Variants in PRAME observed in about 807,000 individuals in gnomAD.
The protein encoded by PRAME is PRAME nuclear receptor transcriptional regulator.
A neutral mutation model predicts 32.1 loss-of-function variants in PRAME; 21 were observed. The observed-to-expected ratio is 0.65, with a 90% CI of 0.46 to 0.94. The LOEUF (loss-of-function observed/expected upper bound fraction) is 0.94, where lower values mean the gene tolerates loss of function less well. PRAME is among the 40% of genes least tolerant of loss of function. The probability of loss-of-function intolerance (pLI) is 0.00; values close to 1 mark genes in which losing one functional copy is unlikely to be tolerated. For missense variants in PRAME, 651 were observed against 622.3 expected (o/e 1.05, Z -0.49); for synonymous variants, 274 against 251.5 (o/e 1.09, Z -0.85).
At chr22:22,554,008 C>G in intron 3 of PRAME, 4 of 985,182 alleles carry the variant, frequency 4.1e-6, no homozygotes, top group Non-Finnish European at 4.8e-6. Context: ...TACAGAGATT[C>G]TGGTCAGCGA....
In PRAME at chr22:22,549,872, G is replaced by A; in HGVS notation, c.807C>T (p.His269=). ...MINLRRLLLS[H]IHASSYISPE... The stretch of plus-strand genomic sequence containing the variant: ...GGGAAATGTAGGAAGATGCATGGAT[G>A]TGGGAGAGGAGGAGTCTACGCAGAT... Residue 269 remains histidine (H), a synonymous_variant, in exon 5 of 6, where the codon CAC becomes CAT. Transcript: ENST00000405655. The A allele has an allele frequency of 6.2e-7, 1 of 1,613,902 alleles. No homozygotes were observed. Among genetic ancestry groups the A allele is most frequent in the Non-Finnish European group, 8.5e-7 (1 of 1,179,974 alleles).
At chr22:22,555,117 G>T (rs189432663) in intron 3 of PRAME, among the ~76,000 whole-genome samples, 141 of 152,104 alleles carry the variant, frequency 9.3e-4, no homozygotes, top group Admixed American at 2.6e-3. Context: ...GAATTGGGGA[G>T]ATATTTCTGC....
chr22:22,554,807 A>G (rs2062807986), intron 3 of PRAME, among the ~76,000 whole-genome samples: 1 of 151,968 alleles, frequency 6.6e-6, no homozygotes, highest in Non-Finnish European at 1.5e-5. Flanking sequence ...TAAACCATGG[A>G]AAAACAGGAA....
intron 3 of PRAME, among the ~76,000 whole-genome samples, chr22:22,552,488 AAAT>A (rs2062647306): frequency 6.6e-6 from 1 of 151,854 alleles, no homozygotes; most frequent in Non-Finnish European, 1.5e-5. Context: ...GATTCAATAT[AAAT>A]AATAAATGTT....
In PRAME at chr22:22,550,157, TG is replaced by T; in HGVS notation, c.521del (p.Pro174GlnfsTer2). The T allele has an allele frequency of 6.2e-7, 1 of 1,613,876 alleles. No individual in the cohort carries two copies. The highest frequency in any genetic ancestry group is 2.2e-5 in the East Asian group (1 of 44,770). On this transcript the variant is annotated frameshift_variant, in exon 5 of 6. Transcript: ENST00000405655. LOFTEE classifies it high-confidence loss of function. ...GGAACAGGTCTACGAGCACCTCTACTGGAATGAAGGGCTGCTCTGCCTCTGT... is the reference window on the plus strand; with the variant it reads ...GGAACAGGTCTACGAGCACCTCTACTGAATGAAGGGCTGCTCTGCCTCTGT... Reference protein sequence around the residue: ...LSTEAEQPFIPVEVLVDLFLK... With the variant: ...LSTEAEQPFIXVEVLVDLFLK...
Position 22,559,184 on chromosome 22 carries a change from G to C in PRAME, c.-327C>G, listed in dbSNP as rs1443095862. 1 of 285,688 alleles carries C rather than the reference G, an allele frequency of 3.5e-6. No homozygotes were observed. Among genetic ancestry groups the C allele is most frequent in the East Asian group, 1.7e-4 (1 of 5,848 alleles). The allele number at this position is 285,688 out of a possible 1,614,324, so 17.7% of individuals were successfully genotyped here. ...TGTCGCCAATACAGACCTGTTGACA[G>C]GTCACGCCTGGGAAGCGGGTGGGGT... On this transcript the variant is annotated 5_prime_UTR_variant, in exon 1 of 6. Transcript: ENST00000405655.
At position 22,548,482 on chromosome 22, in the gene PRAME, A is replaced by G. The variant is rs1186997188; in HGVS notation, c.1115T>C (p.Leu372Pro). The G allele has an allele frequency of 6.2e-7, 1 of 1,613,822 alleles. No homozygotes were observed. The highest frequency in any genetic ancestry group is 1.1e-5 in the South Asian group (1 of 91,068). Residue 372 changes from leucine to proline, a missense_variant, in exon 6 of 6, where the codon CTG (leucine) becomes CCG (proline). Coordinates refer to ENST00000405655, the MANE Select transcript of PRAME (RefSeq NM_206956.3). ...TDVSPEPLQA[L>P]LERASATLQD... ...GAGGGTGGCAGAGGCTCTCTCCAGC[A>G]GAGCTTGGAGGGGCTCGGGACTTAC...
Position 22,548,285 on chromosome 22 carries a change from G to A in PRAME, c.1312C>T (p.His438Tyr). 1 of 1,613,792 alleles carries A rather than the reference G, an allele frequency of 6.2e-7. No individual in the cohort carries two copies. The highest frequency in any genetic ancestry group is 8.5e-7 in the Non-Finnish European group (1 of 1,179,948). The change falls in exon 6 of 6, where the codon CAC becomes TAC. Residue 438 changes from histidine to tyrosine, a missense_variant. Physicochemically the swap from His to Tyr is moderately conservative, Grantham distance 83. Coordinates refer to ENST00000405655, the MANE Select transcript of PRAME (RefSeq NM_206956.3). ...TCCAGGGGGACAGGATACAGCACGT[G>A]GGTCAGATTGCTCAGCCCGATGAGG... is the stretch of plus-strand genomic sequence containing the variant. ...QHLIGLSNLT[H>Y]VLYPVPLESY...
Position 22,548,614 on chromosome 22 carries a change from G to T in PRAME, c.983C>A (p.Ser328Ter). The T allele has an allele frequency of 1.2e-6, 2 of 1,606,378 alleles. No individual in the cohort carries two copies. The highest frequency in any genetic ancestry group is 1.7e-6 in the Non-Finnish European group (2 of 1,179,444). Residue 328 changes from serine (S) to a stop codon, truncating the protein, a stop_gained, in exon 6 of 6, where the codon TCA becomes TAA. Coordinates refer to ENST00000405655, the MANE Select transcript of PRAME (RefSeq NM_206956.3). LOFTEE classifies it low-confidence loss of function (END_TRUNC). ...RHVMNPLETL[S>*]ITNCRLSEGD... Reference sequence around the variant, plus strand: ...TTCCGAAAGCCGGCAGTTAGTTATTGAGAGGGTTTCCAAGGGGTTCATCAC... The same window carrying T: ...TTCCGAAAGCCGGCAGTTAGTTATTTAGAGGGTTTCCAAGGGGTTCATCAC...
intron 3 of PRAME, among the ~76,000 whole-genome samples, chr22:22,553,189 C>T (rs1233826701): frequency 1.3e-5 from 2 of 151,954 alleles, no homozygotes; most frequent in African/African-American, 4.8e-5. Flanking sequence ...ATGACATCAC[C>T]CCTTCCCACT....
rs1383403042 is a variant in PRAME at position 22,556,806 on chromosome 22, T to A, written c.21+6A>T. On this transcript the variant is annotated splice_donor_region_variant and intron_variant, in intron 3 of 5. Coordinates refer to ENST00000405655, the MANE Select transcript of PRAME (RefSeq NM_206956.3). ...GCACCTCAGACAGCTCAGGGGACCT[T>A]CTTACCCACAAACGCCTTCGTTCCA... The A allele has an allele frequency of 6.2e-7, 1 of 1,612,636 alleles. No individual in the cohort carries two copies. The highest frequency in any genetic ancestry group is 2.2e-5 in the East Asian group (1 of 44,762).
intron 5 of PRAME, 130 bp downstream of exon 5, chr22:22,549,596 A>G: frequency 8.3e-7 from 1 of 1,208,620 alleles, no homozygotes; most frequent in Non-Finnish European, 1.1e-6. Flanking sequence ...GGTGAACAAG[A>G]CGTGTTAACT....
At position 22,548,033 on chromosome 22, in the gene PRAME, T is replaced by A; in HGVS notation, c.*34A>T. 6.4e-7 allele frequency: 1 copy of A among 1,566,382 alleles called. No homozygotes were observed. The highest frequency in any genetic ancestry group is 8.7e-7 in the Non-Finnish European group (1 of 1,152,798). ...GCACATCCTGGCTTTAGTGTCCAAG[T>A]ATGCAGAATGAAGCATTTGATATGT... is the stretch of plus-strand genomic sequence containing the variant. On this transcript the variant is annotated 3_prime_UTR_variant, in exon 6 of 6. Transcript: ENST00000405655.
intron 3 of PRAME, among the ~76,000 whole-genome samples, chr22:22,554,900 CAA>C (rs1005387361): frequency 6.6e-6 from 1 of 151,852 alleles, no homozygotes; most frequent in African/African-American, 2.4e-5. Flanking sequence ...GAACCGCGAT[CAA>C]GTGTGAGTTG....
rs201783997 is a variant in PRAME at position 22,550,305 on chromosome 22, C to T, written c.374G>A (p.Arg125Gln). Residue 125 changes from arginine to glutamine, a missense_variant, in exon 5 of 6, where the codon CGG becomes CAG. Physicochemically the swap from Arg to Gln is conservative, Grantham distance 43. Coordinates refer to ENST00000405655, the MANE Select transcript of PRAME (RefSeq NM_206956.3). ...CCAGAAGTCCTGATGAGAGTTCTTC[C>T]GTAAATCCAGCACTTGAAGTTTCCA... Reference protein sequence around the residue: ...RRWKLQVLDLRKNSHQDFWTV... With the variant: ...RRWKLQVLDLQKNSHQDFWTV... 154 of 1,612,980 alleles carry T rather than the reference C, an allele frequency of 9.5e-5. No homozygotes were observed. Among genetic ancestry groups the T allele is most frequent in the South Asian group, 6.2e-4 (56 of 90,832 alleles).
chr22:22,552,747 G>C (rs547821480), intron 3 of PRAME: 39 of 441,996 alleles, frequency 8.8e-5, no homozygotes, highest in Admixed American at 8.1e-4. Context: ...CTCATGGCCC[G>C]TGGAGACCCT....
At chr22:22,548,739 G>C (rs1358443716) in intron 5 of PRAME, 96 bp from the exon 6 acceptor site, 13 of 1,173,942 alleles carry the variant, frequency 1.1e-5, no homozygotes, top group African/African-American at 1.5e-5. Context: ...AAGTCTTCCT[G>C]ATGATGGTTA....
chr22:22,555,536 CCT>C (rs1392581425), intron 3 of PRAME, among the ~76,000 whole-genome samples: 1 of 151,858 alleles, frequency 6.6e-6, no homozygotes, highest in Non-Finnish European at 1.5e-5. Context: ...CCATGCCCAG[CCT>C]CTTTTTCTTT....
At chr22:22,555,669 C>T (rs762343518) in intron 3 of PRAME, among the ~76,000 whole-genome samples, 15 of 151,916 alleles carry the variant, frequency 9.9e-5, no homozygotes, top group Non-Finnish European at 2.1e-4. Flanking sequence ...CAACAGCACC[C>T]GAGCACGGTC....
Sources: gnomAD v4.1 joint callset for allele counts (sites outside exome capture counted in the v4.1 genomes callset) on GRCh38, gnomAD v4.1.1 for gene constraint, MANE v1.5 for transcripts, NCBI Gene and HGNC (gene_info 2026-07-23, HGNC 2026-07-21) for gene names.